The following CTPS1 variants were observed in gnomAD, a reference collection of about 807,000 sequenced individuals.
CTPS1 encodes the protein CTP synthetase 1.
In CTPS1, 25 loss-of-function variants were observed where a neutral mutation model predicts 80.5. The observed-to-expected ratio is 0.31, with a 90% confidence interval of 0.23 to 0.43. CTPS1 has a LOEUF of 0.43. Ranked by LOEUF, CTPS1 falls within the 20% of genes least tolerant of loss-of-function variation. CTPS1 has a pLI of 1.00. For missense variants in CTPS1, 442 were observed against 725.7 expected, an observed-to-expected ratio of 0.61 and a Z score of 4.49; for synonymous variants, 267 against 252.5, an observed-to-expected ratio of 1.06 and a Z score of -0.54.
Position 40,984,961 on chromosome 1 carries a change from A to G in CTPS1, c.307A>G (p.Lys103Glu). The change falls in exon 3 of 19, where the codon AAA (lysine) becomes GAA (glutamate). Residue 103 changes from lysine (K) to glutamate (E), a missense_variant. Lys to Glu is a moderately conservative substitution (Grantham distance 56). This residue lies in a region of CTPS1 where 69 missense variants were observed against 102.1 expected (regional missense o/e 0.68). Transcript: ENST00000650070. ...IYQYVINKER[K>E]GDYLGKTVQV... ...CCAGTATGTCATTAACAAGGAACGG[A>G]AAGGAGATTACTTGGGGAAAACTGT... The G allele has an allele frequency of 6.3e-7, 1 of 1,587,448 alleles. No homozygotes were observed. The highest frequency in any genetic ancestry group is 8.6e-7 in the Non-Finnish European group (1 of 1,161,970).
At chr1:40,987,577 T>G in intron 4 of CTPS1, 105 bp downstream of exon 4, 10 of 801,582 alleles carry the variant, frequency 1.2e-5, no homozygotes, top group African/African-American at 1.7e-5. Context: ...TTCCTATCTC[T>G]GGTGCAGTAT....
At position 40,997,515 on chromosome 1, in the gene CTPS1, T is replaced by A. The variant is rs897158288; in HGVS notation, c.994T>A (p.Leu332Met). ...TTCTGCACTGGCCATCAACCACAAATTGGAAATCAAGGTAAGGAGGGTGGC... is the reference window on the plus strand; with the variant it reads ...TTCTGCACTGGCCATCAACCACAAAATGGAAATCAAGGTAAGGAGGGTGGC... ...EHSALAINHKLEIKYIDSADL... is the reference protein window; with the variant it reads ...EHSALAINHKMEIKYIDSADL... Residue 332 changes from leucine to methionine, a missense_variant, in exon 9 of 19, where the codon TTG becomes ATG. Physicochemically the swap from Leu to Met is conservative, Grantham distance 15. Around this residue, in one of 4 missense-constraint regions of CTPS1, gnomAD observed 321 missense variants for 467.2 expected, o/e 0.69. Transcript: ENST00000650070. The A allele has an allele frequency of 2.5e-6, 4 of 1,613,738 alleles. No individual in the cohort carries two copies. Among genetic ancestry groups the A allele is most frequent in the Non-Finnish European group, 3.4e-6 (4 of 1,179,860 alleles).
At position 40,996,172 on chromosome 1, in the gene CTPS1, C is replaced by T. The variant is rs1642747489; in HGVS notation, c.872+104C>T. The T allele has an allele frequency of 5.6e-6, 7 of 1,243,424 alleles. No individual in the cohort carries two copies. The South Asian group carries it at 9.0e-5, about 16-fold the overall frequency. The allele number at this position is 1,243,424 out of a possible 1,614,324, so 77.0% of individuals were successfully genotyped here. On this transcript the variant is annotated intron_variant, in intron 8 of 18. Transcript: ENST00000650070. Reference sequence around the variant, plus strand: ...GCACTTTTGTACTTTTGCACTTCTGCCATCCACTCATTAGAAGAGCCTTTG... The same window carrying T: ...GCACTTTTGTACTTTTGCACTTCTGTCATCCACTCATTAGAAGAGCCTTTG...
intron 18 of CTPS1, among the ~76,000 whole-genome samples, chr1:41,011,221 C>G (rs1306632781): frequency 3.9e-5 from 6 of 152,208 alleles, no homozygotes; most frequent in Non-Finnish European, 8.8e-5. Context: ...GGAGGAGGGC[C>G]TGTGTGCTAG....
At chr1:40,995,874 T>G (rs1260057161) in intron 7 of CTPS1, 43 bp from the exon 8 acceptor site, 4 of 1,594,184 alleles carry the variant, frequency 2.5e-6, no homozygotes, top group African/African-American at 2.7e-5. Context: ...GTAAGCCTGG[T>G]GAGTTTTTGC....
chr1:41,007,539 G>A lies in CTPS1; in HGVS notation c.1387G>A (p.Val463Ile), dbSNP rs1402151545. The stretch of plus-strand genomic sequence containing the variant: ...AACCCTGTTCCAGACCAAGAACTCA[G>A]TCATGAGTAAGAGCTGCCTCACGCT... ...RRTLFQTKNS[V>I]MRKLYGDADY... The change falls in exon 14 of 19, where the codon GTC becomes ATC. Residue 463 changes from valine (V) to isoleucine (I), a missense_variant. By Grantham distance (29) the Val-to-Ile change is conservative (BLOSUM62 3). Transcript: ENST00000650070. The surrounding 1 kb of genome is among the most constrained non-coding windows in gnomAD (Gnocchi z 4.4). 1 of 1,613,824 alleles carries A rather than the reference G, an allele frequency of 6.2e-7. No homozygotes were observed. Among genetic ancestry groups the A allele is most frequent in the East Asian group, 2.2e-5 (1 of 44,888 alleles).
chr1:41,010,296 A>T (rs772780282), intron 18 of CTPS1, 42 bp downstream of exon 18: 1 of 1,357,982 alleles, frequency 7.4e-7, no homozygotes, highest in Admixed American at 1.8e-5. Flanking sequence ...AAACATGGTG[A>T]TAACACACTG....
At chr1:40,995,596 A>G (rs535368530) in intron 7 of CTPS1, among the ~76,000 whole-genome samples, 15 of 152,128 alleles carry the variant, frequency 9.9e-5, no homozygotes, top group African/African-American at 3.6e-4. Flanking sequence ...ACAGTGTTTT[A>G]CCATATTGCC....
chr1:40,984,711 C>G, intron 2 of CTPS1, 110 bp from the exon 3 acceptor site: 2 of 817,862 alleles, frequency 2.4e-6, no homozygotes, highest in South Asian at 3.7e-5. Flanking sequence ...TCTGTGCTTC[C>G]TATTACGTAA....
At chr1:40,994,306 T>C (rs1258448896) in intron 7 of CTPS1, among the ~76,000 whole-genome samples, 2 of 152,194 alleles carry the variant, frequency 1.3e-5, no homozygotes, top group Admixed American at 1.3e-4. Context: ...AATTTTTACA[T>C]GTGGATATCT....
intron 3 of CTPS1, among the ~76,000 whole-genome samples, chr1:40,986,193 G>A (rs1642447963): frequency 6.6e-6 from 1 of 152,256 alleles, no homozygotes; most frequent in African/African-American, 2.4e-5. Context: ...ACCAAGTGGA[G>A]TGAGGACAGA....
At chr1:40,980,599 T>C (rs1651839283) in intron 1 of CTPS1, 1 of 152,228 alleles carries the variant, frequency 6.6e-6, no homozygotes, top group African/African-American at 2.4e-5. Context: ...AGTGACATGA[T>C]TGAGGTCTGC....
chr1:40,997,466 C>T lies in CTPS1; in HGVS notation c.945C>T (p.Ala315=), dbSNP rs200087914. 1 of 1,614,218 alleles carries T rather than the reference C, an allele frequency of 6.2e-7. No homozygotes were observed. Among genetic ancestry groups the T allele is most frequent in the African/African-American group, 1.3e-5 (1 of 75,066 alleles). The part of the protein sequence containing the change: ...GKYTKFSDSY[A]SVIKALEHSA... ...ACACGAAGTTCTCAGACTCCTATGC[C>T]TCTGTCATTAAGGCTCTGGAGCATT... The change falls in exon 9 of 19, where the codon GCC becomes GCT. Residue 315 remains alanine, a synonymous_variant. Coordinates refer to ENST00000650070, the MANE Select transcript of CTPS1 (RefSeq NM_001905.4).
intron 17 of CTPS1, 102 bp from the exon 18 acceptor site, chr1:41,010,059 C>A: frequency 1.4e-6 from 1 of 696,882 alleles, no homozygotes. Context: ...TGATTCCTGC[C>A]ATGTGCAGGC....
chr1:40,989,008 G>T (rs1293275546), intron 5 of CTPS1, among the ~76,000 whole-genome samples: 4 of 152,184 alleles, frequency 2.6e-5, no homozygotes, highest in African/African-American at 9.7e-5. Context: ...ATCTTGTGGA[G>T]AGGAGTCAAT....
intron 12 of CTPS1, 73 bp downstream of exon 12, chr1:41,003,249 T>C: frequency 6.5e-7 from 1 of 1,543,474 alleles, no homozygotes; most frequent in Non-Finnish European, 9.0e-7. Flanking sequence ...TGTTGCCGCC[T>C]GGGTGATCAG....
chr1:40,991,284 T>G (rs985238561), intron 6 of CTPS1, 36 bp downstream of exon 6: 1 of 1,478,134 alleles, frequency 6.8e-7, no homozygotes, highest in Non-Finnish European at 9.2e-7. Flanking sequence ...AGTGTAATCT[T>G]TTATGTCTAG....
chr1:40,996,546 C>T (rs1410111786), intron 8 of CTPS1, among the ~76,000 whole-genome samples: 3 of 152,160 alleles, frequency 2.0e-5, no homozygotes, highest in African/African-American at 4.8e-5. Flanking sequence ...TTTTAAGGCT[C>T]GGTGATGCTG....
chr1:40,987,444 G>T lies in CTPS1; in HGVS notation c.410G>T (p.Gly137Val). The T allele has an allele frequency of 6.2e-7, 1 of 1,613,558 alleles. No individual in the cohort carries two copies. Among genetic ancestry groups the T allele is most frequent in the Non-Finnish European group, 8.5e-7 (1 of 1,179,564 alleles). ...GCGTTAATACCTGTAGATGAAGATG[G>T]CCTGGAACCTCAAGTGTGTGTTATT... ...RQALIPVDEDGLEPQVCVIEL... is the reference protein window; with the variant it reads ...RQALIPVDEDVLEPQVCVIEL... The change falls in exon 4 of 19, where the codon GGC becomes GTC. Residue 137 changes from glycine (G) to valine (V), a missense_variant. Transcript: ENST00000650070.
Sources: allele counts gnomAD v4.1 joint callset (sites outside exome capture counted in the v4.1 genomes callset), GRCh38; gene constraint gnomAD v4.1.1; regional missense constraint gnomAD v4.1.1; non-coding constraint Gnocchi (gnomAD v3.1); transcripts MANE v1.5; gene names NCBI Gene and HGNC (gene_info 2026-07-23, HGNC 2026-07-21).